ICOS: variants seen among roughly 807,000 people sequenced by gnomAD.
ICOS encodes inducible T cell costimulator, also known as inducible T-cell costimulator.
In ICOS, 15 loss-of-function variants were observed where a neutral mutation model predicts 24.6. The observed-to-expected ratio is 0.61, with a 90% confidence interval of 0.41 to 0.94. The LOEUF (loss-of-function observed/expected upper bound fraction) is 0.94, where lower values mean the gene tolerates loss of function less well. ICOS is among the 40% of genes least tolerant of loss of function. The pLI, the probability that ICOS is intolerant of heterozygous loss-of-function variation, is 0.00. For missense variants in ICOS, 200 were observed against 233.0 expected (o/e 0.86, Z 0.92); for synonymous variants, 89 against 77.5 (o/e 1.15, Z -0.78).
intron 1 of ICOS, among the ~76,000 whole-genome samples, chr2:203,942,472 C>T (rs1689795543): frequency 6.6e-6 from 1 of 152,142 alleles, no homozygotes; most frequent in Admixed American, 6.5e-5. Flanking sequence ...GACAGCCCAG[C>T]TTAATACATG....
At chr2:203,959,041 G>A (rs544439114) in intron 4 of ICOS, among the ~76,000 whole-genome samples, 1 of 152,328 alleles carries the variant, frequency 6.6e-6, no homozygotes, top group African/African-American at 2.4e-5. Context: ...CCAGGCCACA[G>A]AGGCCTGACT....
intron 1 of ICOS, among the ~76,000 whole-genome samples, chr2:203,948,539 GCT>G (rs1689912321): frequency 2.0e-5 from 3 of 152,148 alleles, no homozygotes; most frequent in Admixed American, 2.0e-4. Flanking sequence ...ACTGATTGCA[GCT>G]TACAACACAC....
At chr2:203,942,320 A>G (rs1689792411) in intron 1 of ICOS, among the ~76,000 whole-genome samples, 1 of 152,244 alleles carries the variant, frequency 6.6e-6, no homozygotes, top group South Asian at 2.1e-4. Context: ...AAAATCTCAT[A>G]GATGTGCCTA....
chr2:203,944,244 C>T (rs1193604101), intron 1 of ICOS, among the ~76,000 whole-genome samples: 1 of 152,152 alleles, frequency 6.6e-6, no homozygotes, highest in Non-Finnish European at 1.5e-5. Flanking sequence ...CTCCTCTGGC[C>T]ACCCTCCAGA....
chr2:203,946,478 T>C (rs186175083), intron 1 of ICOS, among the ~76,000 whole-genome samples: 3 of 152,010 alleles, frequency 2.0e-5, no homozygotes, highest in East Asian at 1.9e-4. Flanking sequence ...GGGTTTATCT[T>C]GTCTATCCTC....
chr2:203,951,787 G>A (rs927503633), intron 1 of ICOS, among the ~76,000 whole-genome samples: 1 of 152,202 alleles, frequency 6.6e-6, no homozygotes, highest in African/African-American at 2.4e-5. Flanking sequence ...CCCGTCCACT[G>A]ATTTTATCTT....
Position 203,961,405 on chromosome 2 carries a change from C to A in ICOS, c.*1806C>A. On this transcript the variant is annotated 3_prime_UTR_variant, in exon 5 of 5. Transcript: ENST00000316386. Reference sequence around the variant, plus strand: ...ATGGTGGCCCACCTGGCCTGGTTGTCCAAGCTGTGCCTCGACACATCCTCA... The same window carrying A: ...ATGGTGGCCCACCTGGCCTGGTTGTACAAGCTGTGCCTCGACACATCCTCA... 1 of 169,778 alleles carries A rather than the reference C, an allele frequency of 5.9e-6. No homozygotes were observed. The highest frequency in any genetic ancestry group is 2.0e-4 in the South Asian group (1 of 4,944). The allele number at this position is 169,778 out of a possible 1,614,324, so 10.5% of individuals were successfully genotyped here.
chr2:203,951,687 C>T (rs903551420), intron 1 of ICOS, among the ~76,000 whole-genome samples: 4 of 152,186 alleles, frequency 2.6e-5, no homozygotes, highest in East Asian at 3.8e-4. Context: ...TGACCACAGA[C>T]GCTTTGGCTC....
At chr2:203,953,270 C>A (rs1223336745) in intron 1 of ICOS, among the ~76,000 whole-genome samples, 1 of 152,040 alleles carries the variant, frequency 6.6e-6, no homozygotes, top group Non-Finnish European at 1.5e-5. Flanking sequence ...CAATGCTTTC[C>A]GAGTAAAAGC....
At chr2:203,943,420 G>T (rs1689812809) in intron 1 of ICOS, among the ~76,000 whole-genome samples, 1 of 151,638 alleles carries the variant, frequency 6.6e-6, no homozygotes, top group Non-Finnish European at 1.5e-5. Context: ...AGTGATTGTT[G>T]TCTCTCTTCT....
chr2:203,938,031 T>C (rs2105742154), intron 1 of ICOS, among the ~76,000 whole-genome samples: 1 of 152,354 alleles, frequency 6.6e-6, no homozygotes, highest in Non-Finnish European at 1.5e-5. Flanking sequence ...TGGTAGCAGG[T>C]ACTGTGCCAG....
At chr2:203,938,455 CTTGGTCCAAGATGACCAACTGGTCCAAG>C (rs1192892463) in intron 1 of ICOS, among the ~76,000 whole-genome samples, 1 of 152,200 alleles carries the variant, frequency 6.6e-6, no homozygotes, top group Non-Finnish European at 1.5e-5. Context: ...AGAGGCTGAG[CTTGGTCCAAGATGACCAACTGGTCCAAG>C]TTGGTCCAAG....
chr2:203,942,726 G>GT (rs970578737), intron 1 of ICOS, among the ~76,000 whole-genome samples: 5 of 152,176 alleles, frequency 3.3e-5, no homozygotes, highest in East Asian at 1.9e-4. Flanking sequence ...GCTTCTTTTT[G>GT]TTTTTTTATT....
At chr2:203,949,629 A>G (rs970378786) in intron 1 of ICOS, among the ~76,000 whole-genome samples, 1 of 152,250 alleles carries the variant, frequency 6.6e-6, no homozygotes, top group East Asian at 1.9e-4. Flanking sequence ...TGAGGAGCAT[A>G]TCAAAGATAG....
intron 1 of ICOS, among the ~76,000 whole-genome samples, chr2:203,944,227 T>A (rs967753851): frequency 6.6e-6 from 1 of 152,202 alleles, no homozygotes; most frequent in Admixed American, 6.5e-5. Flanking sequence ...TGGAGTTTTA[T>A]ACCCTGCTCC....
chr2:203,938,398 A>T (rs999135231), intron 1 of ICOS, among the ~76,000 whole-genome samples: 2 of 152,232 alleles, frequency 1.3e-5, no homozygotes, highest in African/African-American at 4.8e-5. Flanking sequence ...AGGTAAGGTT[A>T]GGGAACTAGA....
chr2:203,958,638 C>T (rs1390910004), intron 4 of ICOS, among the ~76,000 whole-genome samples: 1 of 152,064 alleles, frequency 6.6e-6, no homozygotes, highest in Admixed American at 6.5e-5. Context: ...CTAAAGGGGA[C>T]ACACATAGCT....
chr2:203,955,994 C>A (rs1690071588), intron 2 of ICOS, 23 bp downstream of exon 2: 1 of 1,515,414 alleles, frequency 6.6e-7, no homozygotes, highest in Non-Finnish European at 9.1e-7. Flanking sequence ...TTTCATCTTC[C>A]AAACTTAAGA....
chr2:203,940,951 T>A lies in ICOS; in HGVS notation c.58+4079T>A, dbSNP rs988945397. ...GGCACCCGCCACCACGCCTGGCTAA[T>A]TTTTTTGTATTTTTCGTAGAGACGG... On this transcript the variant is annotated intron_variant, in intron 1 of 4. Coordinates refer to ENST00000316386, the MANE Select transcript of ICOS (RefSeq NM_012092.4). 3.1e-4 allele frequency among the ~76,000 whole-genome samples: 47 copies of A among 151,964 alleles called. 1 individual carries two copies. The highest frequency in any genetic ancestry group is 2.4e-4 in the Non-Finnish European group (16 of 67,976).
Sources: gnomAD v4.1 joint callset for allele counts (sites outside exome capture counted in the v4.1 genomes callset) on GRCh38, gnomAD v4.1.1 for gene constraint, MANE v1.5 for transcripts, NCBI Gene and HGNC (gene_info 2026-07-23, HGNC 2026-07-21) for gene names.